The following ACAN variants were observed in gnomAD, a reference collection of about 807,000 sequenced individuals.
The protein encoded by ACAN is aggrecan core protein.
A neutral mutation model predicts 169.1 loss-of-function variants in ACAN; 47 were observed. That is an observed-to-expected ratio of 0.28 (90% CI 0.22 to 0.35). The LOEUF is 0.35. Ranked by LOEUF, ACAN falls within the 10% of genes least tolerant of loss-of-function variation. ACAN has a pLI of 1.00. For synonymous variants in ACAN, 1,115 were observed against 1,112.2 expected (o/e 1.00, Z -0.05); for missense variants, 2,716 against 2,759.9 (o/e 0.98, Z 0.36).
At chr15:88,824,564 A>G (rs1896161585) in intron 1 of ACAN, among the ~76,000 whole-genome samples, 1 of 152,154 alleles carries the variant, frequency 6.6e-6, no homozygotes, top group South Asian at 2.1e-4. Context: ...CAAACAAAAA[A>G]GGACAATAAT....
At position 88,814,335 on chromosome 15, in the gene ACAN, T is replaced by A. The variant is rs28698914; in HGVS notation, c.-8+10526T>A. On this transcript the variant is annotated intron_variant, in intron 1 of 18. Coordinates refer to ENST00000560601, the MANE Select transcript of ACAN (RefSeq NM_001369268.1). The surrounding 1 kb of genome is among the most constrained non-coding windows in gnomAD (Gnocchi z 4.0). The stretch of plus-strand genomic sequence containing the variant: ...AACATTCCCAGACCCGTTCCTGGTA[T>A]CTCTGAACCTGAATTTTTGGATGAT... Among the ~76,000 whole-genome samples, 1,549 of 152,324 alleles carry A rather than the reference T, an allele frequency of 0.01. 30 individuals are homozygous for A. The highest frequency in any genetic ancestry group is 0.035 in the African/African-American group (1,443 of 41,568).
At chr15:88,863,937 C>G (rs939283918) in intron 13 of ACAN, among the ~76,000 whole-genome samples, 1 of 152,126 alleles carries the variant, frequency 6.6e-6, no homozygotes, top group Non-Finnish European at 1.5e-5. Flanking sequence ...TTTGGGAGGC[C>G]GAGGCAGGAG....
At chr15:88,833,799 C>T (rs1461784566) in intron 1 of ACAN, among the ~76,000 whole-genome samples, 2 of 142,616 alleles carry the variant, frequency 1.4e-5, no homozygotes, top group Admixed American at 7.0e-5. Flanking sequence ...GAAATCAAGC[C>T]GTCCAAGCCC....
At chr15:88,830,764 G>A (rs949040920) in intron 1 of ACAN, among the ~76,000 whole-genome samples, 4 of 152,202 alleles carry the variant, frequency 2.6e-5, no homozygotes, top group East Asian at 1.9e-4. Flanking sequence ...GAGTGAATGC[G>A]AAGGCCTAGT....
intron 13 of ACAN, among the ~76,000 whole-genome samples, chr15:88,862,773 G>A (rs919621517): frequency 1.3e-5 from 2 of 152,134 alleles, no homozygotes; most frequent in Admixed American, 6.5e-5. Flanking sequence ...CAAGGCGGAT[G>A]GATTGCCTGA....
In ACAN at chr15:88,869,516, G is replaced by T. The variant is rs1049980828; in HGVS notation, c.7060+1187G>T. 3.9e-5 allele frequency among the ~76,000 whole-genome samples: 6 copies of T among 152,186 alleles called. No homozygotes were observed. Among genetic ancestry groups the T allele is most frequent in the Non-Finnish European group, 8.8e-5 (6 of 68,036 alleles). On this transcript the variant is annotated intron_variant, in intron 14 of 18. Transcript: ENST00000560601. The surrounding 1 kb of genome is among the most constrained non-coding windows in gnomAD (Gnocchi z 4.2). ...AAGACCCCAAGAAATTGGTATATGG[G>T]GTCTTGGCTGGGGTGGAAGCAGAGA...
At chr15:88,829,087 C>G (rs1596123597) in intron 1 of ACAN, among the ~76,000 whole-genome samples, 2 of 150,402 alleles carry the variant, frequency 1.3e-5, no homozygotes, top group Admixed American at 1.3e-4. Context: ...TACACACTTG[C>G]CCGGAATGGA....
chr15:88,847,306 A>T lies in ACAN; in HGVS notation c.1493A>T (p.Gln498Leu). 6.4e-7 allele frequency: 1 copy of T among 1,574,554 alleles called. No individual in the cohort carries two copies. Among genetic ancestry groups the T allele is most frequent in the Admixed American group, 1.9e-5 (1 of 54,016 alleles). Residue 498 changes from glutamine (Q) to leucine (L), a missense_variant, in exon 8 of 19, where the codon CAG (glutamine) becomes CTG (leucine). Physicochemically the swap from Gln to Leu is moderately radical, Grantham distance 113. Transcript: ENST00000560601. ...RYSLTFEEAQ[Q>L]ACLRTGAVIA... ...TCGCTGACCTTTGAGGAGGCACAGC[A>T]GGCCTGCCTGCGCACGGGGGCGGTC...
chr15:88,849,510 A>T lies in ACAN; in HGVS notation c.1805A>T (p.Asn602Ile). The T allele has an allele frequency of 6.2e-7, 1 of 1,608,324 alleles. No homozygotes were observed. Among genetic ancestry groups the T allele is most frequent in the Non-Finnish European group, 8.5e-7 (1 of 1,177,244 alleles). Reference sequence around the variant, plus strand: ...GCACTGGAGTTCTGTGAATCTCACAATGCTACGCTGGCCACCACGGGCCAG... The same window carrying T: ...GCACTGGAGTTCTGTGAATCTCACATTGCTACGCTGGCCACCACGGGCCAG... ...QEALEFCESH[N>I]ATLATTGQLY... Residue 602 changes from asparagine (N) to isoleucine (I), a missense_variant, in exon 10 of 19, where the codon AAT (asparagine) becomes ATT (isoleucine). By Grantham distance (149) the Asn-to-Ile change is moderately radical. Coordinates refer to ENST00000560601, the MANE Select transcript of ACAN (RefSeq NM_001369268.1). This position sits in a 1 kb window ranked among gnomAD's most constrained non-coding sequence, Gnocchi z 5.1.
Position 88,814,338 on chromosome 15 carries a change from C to T in ACAN, c.-8+10529C>T, listed in dbSNP as rs1567164002. 6.6e-6 allele frequency among the ~76,000 whole-genome samples: 1 copy of T among 152,248 alleles called. No individual in the cohort carries two copies. The highest frequency in any genetic ancestry group is 6.5e-5 in the Admixed American group (1 of 15,286). On this transcript the variant is annotated intron_variant, in intron 1 of 18. Coordinates refer to ENST00000560601, the MANE Select transcript of ACAN (RefSeq NM_001369268.1). The surrounding 1 kb of genome is among the most constrained non-coding windows in gnomAD (Gnocchi z 4.0). ...ATTCCCAGACCCGTTCCTGGTATCT[C>T]TGAACCTGAATTTTTGGATGATCAT...
intron 8 of ACAN, among the ~76,000 whole-genome samples, 188 bp downstream of exon 8, chr15:88,847,605 C>T (rs947772558): frequency 4.6e-5 from 7 of 152,188 alleles, no homozygotes; most frequent in Admixed American, 1.3e-4. Context: ...AGTTCTTGGT[C>T]ATTTCTCCCC....
Position 88,868,455 on chromosome 15 carries a change from T to C in ACAN, c.7060+126T>C, listed in dbSNP as rs1187641665. The C allele has an allele frequency of 8.7e-6, 5 of 577,798 alleles. No homozygotes were observed. The highest frequency in any genetic ancestry group is 2.1e-5 in the South Asian group (1 of 46,840). The allele number at this position is 577,798 out of a possible 1,614,324, so 35.8% of individuals were successfully genotyped here. A position where few individuals can be genotyped will look rare whatever the true frequency, so the allele number is the denominator to read the frequency against. On this transcript the variant is annotated intron_variant, in intron 14 of 18. Coordinates refer to ENST00000560601, the MANE Select transcript of ACAN (RefSeq NM_001369268.1). The surrounding 1 kb of genome is among the most constrained non-coding windows in gnomAD (Gnocchi z 5.2). Reference sequence around the variant, plus strand: ...CCCCCGAGGTTCATCTGGAGAGCCATTTCAGGGGCCACAACTGAAAATTCT... The same window carrying C: ...CCCCCGAGGTTCATCTGGAGAGCCACTTCAGGGGCCACAACTGAAAATTCT...
chr15:88,872,138 G>A lies in ACAN; in HGVS notation c.7302+53G>A, dbSNP rs2141640500. 6.8e-7 allele frequency: 1 copy of A among 1,472,434 alleles called. No homozygotes were observed. 91.2% of individuals were successfully genotyped at this position (1,472,434 alleles called of 1,614,324 possible). ...GGCCCAGGGGACAGGGAGTGGGATAGAGACCCCTGGAGAGAGATGCATTCA... is the reference window on the plus strand; with the variant it reads ...GGCCCAGGGGACAGGGAGTGGGATAAAGACCCCTGGAGAGAGATGCATTCA... On this transcript the variant is annotated intron_variant, in intron 16 of 18. Transcript: ENST00000560601. The surrounding 1 kb of genome is among the most constrained non-coding windows in gnomAD (Gnocchi z 5.4).
intron 1 of ACAN, among the ~76,000 whole-genome samples, chr15:88,808,480 A>G (rs1895740479): frequency 6.6e-6 from 1 of 152,228 alleles, no homozygotes; most frequent in African/African-American, 2.4e-5. Flanking sequence ...CTTACAGTCT[A>G]ATGGGGAAGA....
At chr15:88,842,684 T>C (rs1185576724) in intron 5 of ACAN, among the ~76,000 whole-genome samples, 2 of 152,178 alleles carry the variant, frequency 1.3e-5, no homozygotes, top group Admixed American at 6.5e-5. Flanking sequence ...AACAAGTTAT[T>C]TGTGTGTTCC....
At chr15:88,826,002 G>C (rs1896208092) in intron 1 of ACAN, among the ~76,000 whole-genome samples, 1 of 152,194 alleles carries the variant, frequency 6.6e-6, no homozygotes, top group Non-Finnish European at 1.5e-5. Context: ...TTTCGAAGAG[G>C]CTTCAAAACA....
chr15:88,844,527 A>G (rs905290050), intron 6 of ACAN, among the ~76,000 whole-genome samples: 2 of 152,038 alleles, frequency 1.3e-5, no homozygotes, highest in Non-Finnish European at 2.9e-5. Context: ...GGTGTGCACC[A>G]TCATGCCCAG....
intron 11 of ACAN, 121 bp from the exon 12 acceptor site, chr15:88,854,731 G>T: frequency 9.0e-7 from 1 of 1,117,310 alleles, no homozygotes; most frequent in South Asian, 3.4e-5. Context: ...TGGACACGTT[G>T]CTGAGCTCTT....
Position 88,851,362 on chromosome 15 carries a change from A to G in ACAN, c.2027-432A>G, listed in dbSNP as rs75512034. The G allele has an allele frequency of 0.026, 4,161 of 158,714 alleles. 196 individuals carry two copies. The highest frequency in any genetic ancestry group is 0.095 in the African/African-American group (3,958 of 41,666). The allele number at this position is 158,714 out of a possible 1,614,324, so 9.8% of individuals were successfully genotyped here. On this transcript the variant is annotated intron_variant, in intron 10 of 18. Transcript: ENST00000560601. The surrounding 1 kb of genome is among the most constrained non-coding windows in gnomAD (Gnocchi z 4.3). ...GGTTGTTCAGTAGTTGAGAGCGTGG[A>G]GTCTGGTACCAGATGCTTAAATTCA...
Sources: allele counts gnomAD v4.1 joint callset (sites outside exome capture counted in the v4.1 genomes callset), GRCh38; gene constraint gnomAD v4.1.1; non-coding constraint Gnocchi (gnomAD v3.1); transcripts MANE v1.5; gene names NCBI Gene and HGNC (gene_info 2026-07-23, HGNC 2026-07-21).